TNC: variants seen among roughly 807,000 people sequenced by gnomAD.
The protein encoded by TNC is tenascin.
Under a neutral mutation model 202.4 loss-of-function variants are expected in TNC, and 109 were observed. The observed-to-expected ratio is 0.54, with a 90% confidence interval of 0.46 to 0.63. The LOEUF (loss-of-function observed/expected upper bound fraction) is 0.63. Among genes scored for constraint, TNC ranks in the 30% least tolerant of loss-of-function variants. The probability of loss-of-function intolerance (pLI) is 0.00; values close to 1 mark genes in which losing one functional copy is unlikely to be tolerated. For missense variants in TNC, 2,756 were observed against 2,833.3 expected, an observed-to-expected ratio of 0.97 and a Z score of 0.62; for synonymous variants, 1,007 against 1,089.7, an observed-to-expected ratio of 0.92 and a Z score of 1.50.
At chr9:115,051,022 C>T (rs1831606529) in intron 15 of TNC, among the ~76,000 whole-genome samples, 1 of 152,018 alleles carries the variant, frequency 6.6e-6, no homozygotes, top group African/African-American at 2.4e-5. Context: ...CTGGGAGAGA[C>T]CTGGTTTAAT....
chr9:115,054,527 A>C (rs1244168288), intron 15 of TNC, among the ~76,000 whole-genome samples: 1 of 152,204 alleles, frequency 6.6e-6, no homozygotes, highest in Non-Finnish European at 1.5e-5. Context: ...CAGACAGACT[A>C]TCAATGCCAA....
chr9:115,076,401 G>A lies in TNC; in HGVS notation c.2849C>T (p.Thr950Ile). 6.2e-7 allele frequency: 1 copy of A among 1,614,148 alleles called. No individual in the cohort carries two copies. The highest frequency in any genetic ancestry group is 8.5e-7 in the Non-Finnish European group (1 of 1,180,018). ...VPKSQQATTK[T>I]TLTGLRPGTE... Reference sequence around the variant, plus strand: ...GATGCAGAGCTCACCTGTGAGTGTGGTTTTGGTTGTGGCTTGTTGGCTCTT... The same window carrying A: ...GATGCAGAGCTCACCTGTGAGTGTGATTTTGGTTGTGGCTTGTTGGCTCTT... Residue 950 changes from threonine (T) to isoleucine (I), a missense_variant, in exon 8 of 28, where the codon ACC (threonine) becomes ATC (isoleucine). Physicochemically the swap from Thr to Ile is moderately conservative, Grantham distance 89. Around this residue, in one of 2 missense-constraint regions of TNC, gnomAD observed 2,559 missense variants for 2,546.0 expected, o/e 1.01. Transcript: ENST00000350763.
chr9:115,096,258 G>A (rs192313723), intron 1 of TNC, among the ~76,000 whole-genome samples: 50 of 152,190 alleles, frequency 3.3e-4, no homozygotes, highest in Non-Finnish European at 5.4e-4. Flanking sequence ...AAAACACTTC[G>A]AATTCATTGG....
At chr9:115,023,476 G>C in intron 27 of TNC, among the ~76,000 whole-genome samples, 1 of 152,258 alleles carries the variant, frequency 6.6e-6, no homozygotes. Context: ...GGGGCTGGAA[G>C]TGGGGAGAGC....
intron 7 of TNC, 48 bp from the exon 8 acceptor site, chr9:115,076,623 A>C (rs778020814): frequency 3.1e-6 from 5 of 1,592,708 alleles, no homozygotes; most frequent in Non-Finnish European, 4.3e-6. Flanking sequence ...GTCACAAGAG[A>C]GCAGGAGTCT....
chr9:115,057,785 T>C (rs1832247936), intron 14 of TNC, among the ~76,000 whole-genome samples: 1 of 152,240 alleles, frequency 6.6e-6, no homozygotes, highest in Non-Finnish European at 1.5e-5. Context: ...GGTCAAAAGA[T>C]ATGAGTCCTG....
chr9:115,042,463 T>A, intron 17 of TNC, 122 bp from the exon 18 acceptor site: 1 of 1,336,528 alleles, frequency 7.5e-7, no homozygotes. Context: ...GAGCCAAGCC[T>A]TTAGGATGGA....
At chr9:115,114,631 C>T (rs1277871881) in intron 1 of TNC, among the ~76,000 whole-genome samples, 1 of 152,194 alleles carries the variant, frequency 6.6e-6, no homozygotes. Context: ...CAGCTGGGGG[C>T]TTCTCCACCA....
intron 15 of TNC, among the ~76,000 whole-genome samples, chr9:115,049,037 A>G (rs939078325): frequency 1.3e-5 from 2 of 150,358 alleles, no homozygotes; most frequent in African/African-American, 2.5e-5. Context: ...AATTAGTGAG[A>G]TATCCTCACA....
chr9:115,073,754 G>C lies in TNC; in HGVS notation c.3063C>G (p.Leu1021=), dbSNP rs865894151. The C allele has an allele frequency of 6.2e-7, 1 of 1,614,208 alleles. No individual in the cohort carries two copies. The highest frequency in any genetic ancestry group is 8.5e-7 in the Non-Finnish European group (1 of 1,180,034). The change falls in exon 10 of 28, where the codon CTC becomes CTG. Residue 1021 remains leucine, a synonymous_variant. Coordinates refer to ENST00000350763, the MANE Select transcript of TNC (RefSeq NM_002160.4). The part of the protein sequence containing the change: ...KFDRYRLNYS[L]PTGQWVGVQL... ...GCACTCCCACCCACTGGCCTGTGGG[G>C]AGACTGTAATTGAGGCGGTAGCGGT...
intron 17 of TNC, among the ~76,000 whole-genome samples, chr9:115,044,081 G>C (rs980869661): frequency 6.6e-6 from 1 of 152,094 alleles, no homozygotes. Flanking sequence ...AGGCAACACT[G>C]TCTCCCACTG....
At chr9:115,100,226 G>T (rs907781351) in intron 1 of TNC, among the ~76,000 whole-genome samples, 1 of 152,126 alleles carries the variant, frequency 6.6e-6, no homozygotes, top group Non-Finnish European at 1.5e-5. Context: ...CAAATTATAG[G>T]ATCAAAATCA....
At chr9:115,049,431 G>A (rs992302220) in intron 15 of TNC, among the ~76,000 whole-genome samples, 2 of 151,902 alleles carry the variant, frequency 1.3e-5, no homozygotes, top group Non-Finnish European at 2.9e-5. Context: ...TTCCAACCCC[G>A]ATCACATCTA....
intron 1 of TNC, among the ~76,000 whole-genome samples, chr9:115,112,449 A>G (rs1837150681): frequency 6.6e-6 from 1 of 152,174 alleles, no homozygotes; most frequent in Admixed American, 6.5e-5. Context: ...GTTGAGGGGA[A>G]TCCCCTGCTT....
intron 21 of TNC, chr9:115,035,796 A>T (rs1268687959): frequency 1.2e-5 from 4 of 330,046 alleles, no homozygotes; most frequent in Non-Finnish European, 2.2e-5. Flanking sequence ...CCTGCCTGGA[A>T]CGTGGATCAT....
chr9:115,113,209 T>C (rs1837215832), intron 1 of TNC, among the ~76,000 whole-genome samples: 1 of 152,202 alleles, frequency 6.6e-6, no homozygotes, highest in African/African-American at 2.4e-5. Context: ...GCCCTCTCTC[T>C]TGTCAGAAGA....
At chr9:115,055,786 AT>A (rs1312011399) in intron 15 of TNC, 1 of 152,604 alleles carries the variant, frequency 6.6e-6, no homozygotes, top group African/African-American at 2.4e-5. Context: ...AAGTGTGTCA[AT>A]TTAAAACACC....
intron 26 of TNC, among the ~76,000 whole-genome samples, chr9:115,024,871 G>A (rs1007635049): frequency 2.0e-5 from 3 of 152,280 alleles, no homozygotes; most frequent in South Asian, 4.1e-4. Flanking sequence ...ATTGCTTTGT[G>A]GGTCTCCTCA....
At position 115,046,415 on chromosome 9, in the gene TNC, G is replaced by T; in HGVS notation, c.5120C>A (p.Thr1707Lys). 2 of 1,613,938 alleles carry T rather than the reference G, an allele frequency of 1.2e-6. No individual in the cohort carries two copies. Among genetic ancestry groups the T allele is most frequent in the East Asian group, 2.2e-5 (1 of 44,878 alleles). Residue 1707 changes from threonine (T) to lysine (K), a missense_variant, in exon 17 of 28, where the codon ACA becomes AAA. This residue lies in a region of TNC where 2,559 missense variants were observed against 2,546.0 expected (regional missense o/e 1.01). Coordinates refer to ENST00000350763, the MANE Select transcript of TNC (RefSeq NM_002160.4). ...CTCCTGTTTATTTACAGTACCTGTT[G>T]TTGCTATAGCACTGACTGTCTGGGA... ...RRSQTVSAIA[T>K]TAMGSPKEVI...
Sources: gnomAD v4.1 joint callset for allele counts (sites outside exome capture counted in the v4.1 genomes callset) on GRCh38, gnomAD v4.1.1 for gene constraint, gnomAD v4.1.1 regional missense constraint, MANE v1.5 for transcripts, NCBI Gene and HGNC (gene_info 2026-07-23, HGNC 2026-07-21) for gene names.